PIGL: variants seen among roughly 807,000 people sequenced by gnomAD.
PIGL encodes phosphatidylinositol glycan anchor biosynthesis class L, also known as N-acetylglucosaminyl-phosphatidylinositol de-N-acetylase.
PIGL carries 22 observed loss-of-function variants against 31.1 expected under a neutral mutation model. The ratio of observed to expected loss-of-function variants is 0.71; its 90% confidence interval spans 0.51 to 1.01. The LOEUF (loss-of-function observed/expected upper bound fraction) is 1.01, where lower values mean the gene tolerates loss of function less well. Among genes scored for constraint, PIGL ranks in the 50% least tolerant of loss-of-function variants. The pLI is 0.00. For missense variants in PIGL, 302 were observed against 315.9 expected (o/e 0.96, Z 0.33); for synonymous variants, 131 against 117.4 (o/e 1.12, Z -0.75).
intron 2 of PIGL, 119 bp from the exon 3 acceptor site, chr17:16,299,769 G>A: frequency 1.4e-6 from 1 of 728,404 alleles, no homozygotes; most frequent in South Asian, 1.6e-5. Context: ...TGAAGCTTAA[G>A]GGCAGGGACC....
At chr17:16,245,520 A>C (rs754135400) in intron 2 of PIGL, among the ~76,000 whole-genome samples, 10 of 150,768 alleles carry the variant, frequency 6.6e-5, no homozygotes, top group Non-Finnish European at 1.3e-4. Context: ...ATATATATAT[A>C]TATTTGAGAC....
At chr17:16,239,390 G>A (rs1418094534) in intron 2 of PIGL, among the ~76,000 whole-genome samples, 1 of 151,876 alleles carries the variant, frequency 6.6e-6, no homozygotes, top group Non-Finnish European at 1.5e-5. Context: ...AGCTAAGGCA[G>A]GAGAATCGCT....
intron 5 of PIGL, chr17:16,317,026 C>G: frequency 8.8e-7 from 1 of 1,141,948 alleles, no homozygotes; most frequent in Admixed American, 3.9e-5. Flanking sequence ...ATCCCCCAAC[C>G]AATTAGGCAG....
At chr17:16,226,269 G>A (rs931720517) in intron 1 of PIGL, among the ~76,000 whole-genome samples, 1 of 152,108 alleles carries the variant, frequency 6.6e-6, no homozygotes, top group Non-Finnish European at 1.5e-5. Context: ...CCAAAGACTA[G>A]GGGCTGGAAT....
chr17:16,312,396 A>T (rs1270921925), intron 3 of PIGL: 1 of 159,530 alleles, frequency 6.3e-6, no homozygotes, highest in Non-Finnish European at 1.3e-5. Context: ...CACTTCCTAG[A>T]CGGGATGGCG....
Position 16,250,564 on chromosome 17 carries a change from A to G in PIGL, c.335+16494A>G, listed in dbSNP as rs72835343. 6.3e-3 allele frequency among the ~76,000 whole-genome samples: 955 copies of G among 152,324 alleles called. 3 individuals are homozygous for G. Among genetic ancestry groups the G allele is most frequent in the Non-Finnish European group, 9.5e-3 (646 of 68,022 alleles). Reference sequence around the variant, plus strand: ...TTCAGCCTCTCATCTCCTAACCCAGAAAAAGCAGAGCTTTGGAATCTTACT... The same window carrying G: ...TTCAGCCTCTCATCTCCTAACCCAGGAAAAGCAGAGCTTTGGAATCTTACT... On this transcript the variant is annotated intron_variant, in intron 2 of 6. Transcript: ENST00000225609.
chr17:16,277,220 A>G (rs2092899671), intron 2 of PIGL, among the ~76,000 whole-genome samples: 1 of 152,248 alleles, frequency 6.6e-6, no homozygotes, highest in Non-Finnish European at 1.5e-5. Context: ...CTTAAAGGAA[A>G]GAGTGTCATT....
At chr17:16,309,791 A>C (rs1261529373) in intron 3 of PIGL, among the ~76,000 whole-genome samples, 1 of 150,794 alleles carries the variant, frequency 6.6e-6, no homozygotes, top group African/African-American at 2.4e-5. Context: ...AGAAATATAA[A>C]CATTAGGCCG....
intron 1 of PIGL, among the ~76,000 whole-genome samples, chr17:16,220,207 C>G (rs1301984994): frequency 6.6e-6 from 1 of 151,794 alleles, no homozygotes; most frequent in African/African-American, 2.4e-5. Context: ...AATTAGCTGG[C>G]TGTGGTGGTC....
At chr17:16,228,870 T>C (rs2092665832) in intron 1 of PIGL, among the ~76,000 whole-genome samples, 2 of 152,194 alleles carry the variant, frequency 1.3e-5, no homozygotes, top group African/African-American at 4.8e-5. Context: ...TTGTCTATTC[T>C]AGGTAACTCG....
Position 16,290,512 on chromosome 17 carries a change from G to A in PIGL, c.336-9376G>A, listed in dbSNP as rs7211515. On this transcript the variant is annotated intron_variant, in intron 2 of 6. Coordinates refer to ENST00000225609, the MANE Select transcript of PIGL (RefSeq NM_004278.4). ...AGGCTCAAGTGATCCTTATGCCTCA[G>A]CCTCCCAAGTAGTTAGGACTACAGG... 6.6e-3 allele frequency among the ~76,000 whole-genome samples: 1,011 copies of A among 152,132 alleles called. 11 individuals carry two copies. Among genetic ancestry groups the A allele is most frequent in the African/African-American group, 0.023 (944 of 41,484 alleles).
chr17:16,303,023 A>C (rs1363006541), intron 3 of PIGL, among the ~76,000 whole-genome samples: 2 of 152,128 alleles, frequency 1.3e-5, no homozygotes, highest in African/African-American at 4.8e-5. Flanking sequence ...ACCATGTTGC[A>C]GCTGACCTTG....
chr17:16,325,244 C>T (rs1395630483), intron 6 of PIGL, among the ~76,000 whole-genome samples: 1 of 145,344 alleles, frequency 6.9e-6, no homozygotes, highest in Non-Finnish European at 1.5e-5. Context: ...ACTCGGAAGG[C>T]TGAAGCAGGA....
chr17:16,287,866 C>T (rs2092944580), intron 2 of PIGL, among the ~76,000 whole-genome samples: 2 of 152,188 alleles, frequency 1.3e-5, no homozygotes, highest in South Asian at 4.1e-4. Context: ...TCTTTCCACT[C>T]CAATTGCGGT....
chr17:16,241,535 C>T (rs894510654), intron 2 of PIGL, among the ~76,000 whole-genome samples: 1 of 151,138 alleles, frequency 6.6e-6, no homozygotes, highest in Non-Finnish European at 1.5e-5. Context: ...CCACTGCACT[C>T]CAGAATGGGC....
chr17:16,286,156 G>T (rs2092936629), intron 2 of PIGL, among the ~76,000 whole-genome samples: 1 of 152,234 alleles, frequency 6.6e-6, no homozygotes, highest in Non-Finnish European at 1.5e-5. Context: ...GGCTTGCGCT[G>T]TACAAGCCAC....
At chr17:16,296,368 T>C (rs1194609973) in intron 2 of PIGL, among the ~76,000 whole-genome samples, 2 of 151,944 alleles carry the variant, frequency 1.3e-5, no homozygotes, top group Non-Finnish European at 2.9e-5. Flanking sequence ...TCCCAGCACT[T>C]TGGGAGACTG....
At chr17:16,228,753 C>T (rs1194222066) in intron 1 of PIGL, among the ~76,000 whole-genome samples, 2 of 152,182 alleles carry the variant, frequency 1.3e-5, no homozygotes, top group African/African-American at 4.8e-5. Context: ...ATGTAACCAT[C>T]ACCACTATTT....
chr17:16,285,107 C>CA lies in PIGL; in HGVS notation c.336-14780dup, dbSNP rs567516187. On this transcript the variant is annotated intron_variant, in intron 2 of 6. Coordinates refer to ENST00000225609, the MANE Select transcript of PIGL (RefSeq NM_004278.4). Reference sequence around the variant, plus strand: ...AAAGGCTGAGATTACAGGGGTGAGACACCACACCTGGCCAAATTGGCAATT... The same window carrying CA: ...AAAGGCTGAGATTACAGGGGTGAGACAACCACACCTGGCCAAATTGGCAATT... Among the ~76,000 whole-genome samples, 66 of 152,294 alleles carry CA rather than the reference C, an allele frequency of 4.3e-4. 1 individual carries two copies. The East Asian group carries it at 0.011, about 25-fold the overall frequency.
Sources: gnomAD v4.1 joint callset for allele counts (sites outside exome capture counted in the v4.1 genomes callset) on GRCh38, gnomAD v4.1.1 for gene constraint, MANE v1.5 for transcripts, NCBI Gene and HGNC (gene_info 2026-07-23, HGNC 2026-07-21) for gene names.